Variants in SOHLH1 observed in about 807,000 individuals in gnomAD.
SOHLH1 encodes the protein spermatogenesis- and oogenesis-specific basic helix-loop-helix-containing protein 1.
A neutral mutation model predicts 36.2 loss-of-function variants in SOHLH1; 23 were observed. The ratio of observed to expected loss-of-function variants is 0.64; its 90% CI spans 0.46 to 0.90. The LOEUF is 0.90. SOHLH1 is among the 40% of genes least tolerant of loss of function. The pLI is 0.00. For missense variants in SOHLH1, 608 were observed against 517.0 expected (o/e 1.18, Z -1.71); for synonymous variants, 289 against 228.3 (o/e 1.27, Z -2.40).
At position 135,693,532 on chromosome 9, in the gene SOHLH1, G is replaced by A. The variant is rs574079850; in HGVS notation, c.*65C>T. 1.4e-4 allele frequency: 210 copies of A among 1,495,342 alleles called. 3 individuals are homozygous for A. The South Asian group carries it at 2.6e-3, about 19-fold the overall frequency. The allele number at this position is 1,495,342 out of a possible 1,614,324, so 92.6% of individuals were successfully genotyped here. On this transcript the variant is annotated 3_prime_UTR_variant, in exon 8 of 8. Transcript: ENST00000425225. ...AACCCAAAATAAAATGCCCAAGCAC[G>A]CGACAGGGACACACACGGCTCCAGA...
At chr9:135,694,359 C>T (rs762134423) in intron 7 of SOHLH1, 28 bp downstream of exon 7, 2 of 1,612,000 alleles carry the variant, frequency 1.2e-6, no homozygotes, top group Non-Finnish European at 1.7e-6. Flanking sequence ...CGCGGGGGGA[C>T]CAGCCCTGAA....
In SOHLH1 at chr9:135,693,778, C is replaced by A. The variant is rs1357012143; in HGVS notation, c.983G>T (p.Trp328Leu). 9 of 1,580,932 alleles carry A rather than the reference C, an allele frequency of 5.7e-6. No individual in the cohort carries two copies. Among genetic ancestry groups the A allele is most frequent in the Non-Finnish European group, 7.7e-6 (9 of 1,164,070 alleles). The change falls in exon 8 of 8, where the codon TGG (tryptophan) becomes TTG (leucine). Residue 328 changes from tryptophan (W) to leucine (L), a missense_variant. By Grantham distance (61) the Trp-to-Leu change is moderately conservative. Coordinates refer to ENST00000425225, the MANE Select transcript of SOHLH1 (RefSeq NM_001101677.2). ...LEGRGGSGPA[W>L]APAESSPLDV... ...CAGTGGACTGCTCTCAGCTGGGGCC[C>A]ATGCAGGGCCACTGCCTCCTCGACC...
chr9:135,700,745 GC>G (rs1340040462), upstream of SOHLH1, among the ~76,000 whole-genome samples: 1 of 152,186 alleles, frequency 6.6e-6, no homozygotes, highest in East Asian at 1.9e-4. Flanking sequence ...GCTCCGCCCA[GC>G]CTTGGCTGCA....
intron 7 of SOHLH1, chr9:135,694,028 A>G: frequency 2.1e-6 from 3 of 1,426,524 alleles, no homozygotes; most frequent in Non-Finnish European, 2.7e-6. Context: ...GCTCCCAAAC[A>G]CTAAATCCTA....
intron 1 of SOHLH1, 49 bp from the exon 2 acceptor site, chr9:135,699,175 C>A: frequency 6.4e-7 from 1 of 1,553,816 alleles, no homozygotes; most frequent in Non-Finnish European, 8.7e-7. Flanking sequence ...CAGAAAAGGC[C>A]ACCAGGAGTC....
In SOHLH1 at chr9:135,697,564, A is replaced by G. The variant is rs772194446; in HGVS notation, c.409T>C (p.Ser137Pro). The G allele has an allele frequency of 1.6e-5, 26 of 1,612,788 alleles. No individual in the cohort carries two copies. Among genetic ancestry groups the G allele is most frequent in the Admixed American group, 5.0e-5 (3 of 60,010 alleles). Residue 137 changes from serine to proline, a missense_variant, in exon 4 of 8, where the codon TCG becomes CCG. By Grantham distance (74) the Ser-to-Pro change is moderately conservative. Transcript: ENST00000425225. The part of the protein sequence containing the change: ...LQEDVLQLTL[S>P]SQIQAGVPDP... ...GGCACACCTGCTTGAATCTGACTCGACAACGTCAACTGTAAAACATCCTCC... is the reference window on the plus strand; with the variant it reads ...GGCACACCTGCTTGAATCTGACTCGGCAACGTCAACTGTAAAACATCCTCC...
At chr9:135,701,798 G>A (rs1197512340), upstream of SOHLH1, among the ~76,000 whole-genome samples, 1 of 152,176 alleles carries the variant, frequency 6.6e-6, no homozygotes, top group African/African-American at 2.4e-5. Flanking sequence ...CAGCACAAGC[G>A]GGAGGTGCTG....
At chr9:135,695,008 C>G (rs3118655) in intron 6 of SOHLH1, 42 bp downstream of exon 6, 1 of 1,545,158 alleles carries the variant, frequency 6.5e-7, no homozygotes, top group Non-Finnish European at 8.8e-7. Flanking sequence ...CACACATGCT[C>G]GCTCACGCAC....
chr9:135,694,243 G>A lies in SOHLH1; in HGVS notation c.946+144C>T, dbSNP rs1327773971. Reference sequence around the variant, plus strand: ...GCTCAATACCAGACACGGCCCAACAGCTAAGCACCAACGGTGGAGAAAACG... The same window carrying A: ...GCTCAATACCAGACACGGCCCAACAACTAAGCACCAACGGTGGAGAAAACG... On this transcript the variant is annotated intron_variant, in intron 7 of 7. Coordinates refer to ENST00000425225, the MANE Select transcript of SOHLH1 (RefSeq NM_001101677.2). The A allele has an allele frequency of 3.5e-5, 52 of 1,507,098 alleles. No homozygotes were observed. In the East Asian group the frequency reaches 1.2e-3, roughly 35 times the overall value. The allele number at this position is 1,507,098 out of a possible 1,614,324, so 93.4% of individuals were successfully genotyped here.
rs770897835 is a variant in SOHLH1, at chr9:135,693,558, T to C, written c.*39A>G. On this transcript the variant is annotated 3_prime_UTR_variant, in exon 8 of 8. Coordinates refer to ENST00000425225, the MANE Select transcript of SOHLH1 (RefSeq NM_001101677.2). ...CGACAGGGACACACACGGCTCCAGA[T>C]CCACCGGCCCCGCCCGCCTCCTCTC... 2.0e-6 allele frequency: 3 copies of C among 1,526,820 alleles called. No individual in the cohort carries two copies. The South Asian group carries it at 3.6e-5, about 18-fold the overall frequency. 94.6% of individuals were successfully genotyped at this position (1,526,820 alleles called of 1,614,324 possible). A position where few individuals can be genotyped will look rare whatever the true frequency, so the allele number is the denominator to read the frequency against.
chr9:135,693,996 G>A (rs1834691874), intron 7 of SOHLH1, 182 bp from the exon 8 acceptor site: 12 of 1,429,128 alleles, frequency 8.4e-6, no homozygotes, highest in Non-Finnish European at 1.1e-5. Context: ...CAGGACACCT[G>A]TTGGACCAGA....
chr9:135,698,001 T>C lies in SOHLH1; in HGVS notation c.345+328A>G, dbSNP rs142490739. ...CTCTTGGAGACGTGCAGAGAAATGA[T>C]CTAGGGGGTGCTCAGCCAGGGAGGA... On this transcript the variant is annotated intron_variant, in intron 3 of 7. Coordinates refer to ENST00000425225, the MANE Select transcript of SOHLH1 (RefSeq NM_001101677.2). 4.5e-3 allele frequency among the ~76,000 whole-genome samples: 685 copies of C among 151,948 alleles called. 3 individuals are homozygous for C. The highest frequency in any genetic ancestry group is 0.031 in the Middle Eastern group (9 of 294).
chr9:135,699,362 C>T lies in SOHLH1; in HGVS notation c.65+41G>A, dbSNP rs1231651309. 2.5e-6 allele frequency: 4 copies of T among 1,591,388 alleles called. No homozygotes were observed. The Admixed American group carries it at 5.2e-5, about 21-fold the overall frequency. On this transcript the variant is annotated intron_variant, in intron 1 of 7. Transcript: ENST00000425225. ...TGCGGAAGAACCCCTGGGTACAGGCCTTGGGCCCCCAACCCCTTGGCCGCC... is the reference window on the plus strand; with the variant it reads ...TGCGGAAGAACCCCTGGGTACAGGCTTTGGGCCCCCAACCCCTTGGCCGCC...
Position 135,693,420 on chromosome 9 carries a change from A to T in SOHLH1, c.*177T>A. 1.1e-6 allele frequency: 1 copy of T among 927,290 alleles called. No homozygotes were observed. 57.4% of individuals were successfully genotyped at this position (927,290 alleles called of 1,614,324 possible). On this transcript the variant is annotated 3_prime_UTR_variant, in exon 8 of 8. Coordinates refer to ENST00000425225, the MANE Select transcript of SOHLH1 (RefSeq NM_001101677.2). ...AAGCCACACAGGTTTTGCTTCCTCC[A>T]GGAAAACTGCTTTCCCTCTTTAATA...
In SOHLH1 at chr9:135,693,673, C is replaced by A. The variant is rs781091072; in HGVS notation, c.1088G>T (p.Gly363Val). Residue 363 changes from glycine (G) to valine (V), a missense_variant, in exon 8 of 8, where the codon GGC (glycine) becomes GTC (valine). By Grantham distance (109) the Gly-to-Val change is moderately radical. Transcript: ENST00000425225. The part of the protein sequence containing the change: ...ELQDSPLEPW[G>V]LDVDCAGLAL... Reference sequence around the variant, plus strand: ...CAGGCCTGCACAGTCCACATCCAGGCCCCACGGCTCCAGAGGGCTGTCCTG... The same window carrying A: ...CAGGCCTGCACAGTCCACATCCAGGACCCACGGCTCCAGAGGGCTGTCCTG... 1 of 1,584,062 alleles carries A rather than the reference C, an allele frequency of 6.3e-7. No individual in the cohort carries two copies. The highest frequency in any genetic ancestry group is 8.6e-7 in the Non-Finnish European group (1 of 1,165,848).
rs1834956772 is a variant in SOHLH1, at chr9:135,699,477, G to A, written c.-10C>T. 6.2e-7 allele frequency: 1 copy of A among 1,611,280 alleles called. No individual in the cohort carries two copies. The highest frequency in any genetic ancestry group is 1.3e-5 in the African/African-American group (1 of 75,020). ...AGCACCGGGACGCCATGAACTCGCAGCTGCGGAGCGACCCCACGCGCACGG... is the reference window on the plus strand; with the variant it reads ...AGCACCGGGACGCCATGAACTCGCAACTGCGGAGCGACCCCACGCGCACGG... On this transcript the variant is annotated 5_prime_UTR_variant, in exon 1 of 8. Transcript: ENST00000425225.
Position 135,693,654 on chromosome 9 carries a change from T to C in SOHLH1, c.1107A>G (p.Ala369=). 2 of 1,588,306 alleles carry C rather than the reference T, an allele frequency of 1.3e-6. No individual in the cohort carries two copies. Among genetic ancestry groups the C allele is most frequent in the Non-Finnish European group, 1.7e-6 (2 of 1,168,018 alleles). Residue 369 remains alanine, a synonymous_variant, in exon 8 of 8, where the codon GCA becomes GCG. Coordinates refer to ENST00000425225, the MANE Select transcript of SOHLH1 (RefSeq NM_001101677.2). ...CCACCTCGTCCTTCAGGGCCAGGCC[T>C]GCACAGTCCACATCCAGGCCCCACG... is the stretch of plus-strand genomic sequence containing the variant. The part of the protein sequence containing the change: ...LEPWGLDVDC[A]GLALKDEVES...
At chr9:135,697,743 G>T in intron 3 of SOHLH1, 116 bp from the exon 4 acceptor site, 1 of 1,287,456 alleles carries the variant, frequency 7.8e-7, no homozygotes, top group Non-Finnish European at 1.1e-6. Context: ...CTCGGTCCCC[G>T]CTTGGAACTT....
At chr9:135,698,861 G>C (rs1834914942) in intron 2 of SOHLH1, 134 bp downstream of exon 2, 1 of 1,254,350 alleles carries the variant, frequency 8.0e-7, no homozygotes, top group Admixed American at 1.7e-5. Flanking sequence ...TTGGAGATGT[G>C]CAGTCTGTCC....
Sources: gnomAD v4.1 joint callset for allele counts (sites outside exome capture counted in the v4.1 genomes callset) on GRCh38, gnomAD v4.1.1 for gene constraint, MANE v1.5 for transcripts, NCBI Gene and HGNC (gene_info 2026-07-23, HGNC 2026-07-21) for gene names.